DAP3: variants seen among roughly 807,000 people sequenced by gnomAD.
DAP3 encodes the protein death associated protein 3.
A neutral mutation model predicts 51.9 loss-of-function variants in DAP3; 28 were observed. The observed-to-expected ratio is 0.54, with a 90% CI of 0.40 to 0.74. The LOEUF is 0.74. DAP3 is among the 30% of genes least tolerant of loss of function. DAP3 has a pLI of 0.00. For missense variants in DAP3, 458 were observed against 483.5 expected (o/e 0.95, Z 0.49); for synonymous variants, 170 against 170.3 (o/e 1.00, Z 0.01).
intron 9 of DAP3, 49 bp downstream of exon 9, chr1:155,729,415 T>A: frequency 6.2e-7 from 1 of 1,603,018 alleles, no homozygotes; most frequent in Non-Finnish European, 8.5e-7. Flanking sequence ...TCTGATTCCA[T>A]CAGTATGGAG....
intron 1 of DAP3, among the ~76,000 whole-genome samples, chr1:155,704,844 T>C (rs1041910851): frequency 2.0e-5 from 3 of 152,046 alleles, no homozygotes; most frequent in African/African-American, 7.3e-5. Flanking sequence ...GCTGGCGTGG[T>C]GGCGGGCGCC....
upstream of DAP3, chr1:155,688,176 C>A (rs1433285083): frequency 6.2e-7 from 1 of 1,614,002 alleles, no homozygotes; most frequent in African/African-American, 1.3e-5. Flanking sequence ...TCCCGCTTGT[C>A]AGGAGGCGGC....
At chr1:155,708,445 C>A (rs1047100208) in intron 1 of DAP3, among the ~76,000 whole-genome samples, 3 of 151,886 alleles carry the variant, frequency 2.0e-5, no homozygotes, top group Non-Finnish European at 2.9e-5. Context: ...TTTATACTTT[C>A]ATTGACATGT....
chr1:155,718,045 C>T (rs1241268377), intron 3 of DAP3, among the ~76,000 whole-genome samples: 1 of 152,166 alleles, frequency 6.6e-6, no homozygotes, highest in African/African-American at 2.4e-5. Context: ...AAAAAGTAAA[C>T]ACCCATTACC....
chr1:155,705,868 T>TA (rs1304394000), intron 1 of DAP3, among the ~76,000 whole-genome samples: 2 of 152,018 alleles, frequency 1.3e-5, no homozygotes, highest in Non-Finnish European at 2.9e-5. Context: ...GCCAGGCTTA[T>TA]TTTTTATATT....
At chr1:155,732,892 C>T (rs781442305) in intron 11 of DAP3, among the ~76,000 whole-genome samples, 2 of 152,060 alleles carry the variant, frequency 1.3e-5, no homozygotes, top group Admixed American at 1.3e-4. Flanking sequence ...GGCGTCGTGG[C>T]GCGTGGCTGT....
intron 2 of DAP3, among the ~76,000 whole-genome samples, chr1:155,711,727 A>G (rs1656745060): frequency 6.6e-6 from 1 of 151,564 alleles, no homozygotes; most frequent in South Asian, 2.1e-4. Context: ...GTCCCACAGT[A>G]GGCCGTGAGC....
At chr1:155,725,534 C>A in intron 5 of DAP3, 44 bp downstream of exon 5, 1 of 1,539,956 alleles carries the variant, frequency 6.5e-7, no homozygotes, top group African/African-American at 1.4e-5. Context: ...CCAATGCTTT[C>A]TCCCCTCAAA....
rs1304419737 is a variant in DAP3 at position 155,715,788 on chromosome 1, C to T, written c.46-1218C>T. ...AGATTTGTCTACCGAAATCCGCCCCCTTCCCCTCCCTGTTGGTTCAGAGGT... is the reference window on the plus strand; with the variant it reads ...AGATTTGTCTACCGAAATCCGCCCCTTTCCCCTCCCTGTTGGTTCAGAGGT... On this transcript the variant is annotated intron_variant, in intron 2 of 12. Coordinates refer to ENST00000368336, the MANE Select transcript of DAP3 (RefSeq NM_004632.4). Among the ~76,000 whole-genome samples the T allele has an allele frequency of 2.0e-5, 3 of 152,164 alleles. No homozygotes were observed. The East Asian group carries it at 5.8e-4, about 29-fold the overall frequency.
At chr1:155,711,770 C>T (rs1396472766) in intron 2 of DAP3, among the ~76,000 whole-genome samples, 3 of 151,198 alleles carry the variant, frequency 2.0e-5, no homozygotes, top group African/African-American at 7.4e-5. Context: ...GTCCAAGTCC[C>T]AAAACTTCAA....
chr1:155,714,407 G>A (rs543389755), intron 2 of DAP3, among the ~76,000 whole-genome samples: 4 of 151,944 alleles, frequency 2.6e-5, no homozygotes, highest in Non-Finnish European at 4.4e-5. Context: ...ACCTATTTTC[G>A]GGAAGGTTAA....
chr1:155,690,082 C>CA (rs1013201929), intron 1 of DAP3, among the ~76,000 whole-genome samples: 15 of 141,468 alleles, frequency 1.1e-4, no homozygotes, highest in Non-Finnish European at 1.9e-4. Flanking sequence ...TAAAACAAAG[C>CA]AGGCCGGGCG....
chr1:155,691,322 T>A (rs1338926656), intron 1 of DAP3, among the ~76,000 whole-genome samples: 1 of 142,300 alleles, frequency 7.0e-6, no homozygotes, highest in Non-Finnish European at 1.5e-5. Flanking sequence ...TTTATGTAAT[T>A]AATAAGCAAA....
intron 2 of DAP3, among the ~76,000 whole-genome samples, chr1:155,716,619 A>G (rs1240549255): frequency 2.0e-5 from 3 of 151,362 alleles, no homozygotes; most frequent in Non-Finnish European, 4.4e-5. Flanking sequence ...TATTGCAGAC[A>G]TGGCTCACCT....
intron 4 of DAP3, among the ~76,000 whole-genome samples, chr1:155,723,816 A>T (rs1284493247): frequency 6.6e-6 from 1 of 152,156 alleles, no homozygotes; most frequent in African/African-American, 2.4e-5. Flanking sequence ...AGGTGGGCAG[A>T]TTACTTAAGG....
chr1:155,721,417 TAC>T, intron 3 of DAP3, 98 bp from the exon 4 acceptor site: 3 of 615,154 alleles, frequency 4.9e-6, no homozygotes, highest in Non-Finnish European at 8.2e-6. Context: ...TATATATATA[TAC>T]ACATAGACAT....
chr1:155,694,019 C>G (rs1282264311), intron 1 of DAP3, among the ~76,000 whole-genome samples: 1 of 141,658 alleles, frequency 7.1e-6, no homozygotes, highest in Non-Finnish European at 1.5e-5. Context: ...ATTTCTAAAT[C>G]ATTTGACTGT....
rs560456077 is a variant in DAP3 at position 155,712,043 on chromosome 1, G to A, written c.45+2219G>A. ...CCACCCACACTGAGGGTGGGTCTGC[G>A]TCTCCCAGTCCACTGACTCAAATGT... On this transcript the variant is annotated intron_variant, in intron 2 of 12. Transcript: ENST00000368336. 4.0e-5 allele frequency among the ~76,000 whole-genome samples: 6 copies of A among 151,674 alleles called. No individual in the cohort carries two copies. In the South Asian group the frequency reaches 1.0e-3, roughly 26 times the overall value.
In DAP3 at chr1:155,709,778, G is replaced by A. The variant is rs781046714; in HGVS notation, c.-2G>A. On this transcript the variant is annotated 5_prime_UTR_variant, in exon 2 of 13. Transcript: ENST00000368336. ...TTTTTTTTTTTTTGTAACAGTGCAA[G>A]GATGATGCTGAAAGGAATAACAAGG... is the stretch of plus-strand genomic sequence containing the variant. The A allele has an allele frequency of 3.1e-6, 5 of 1,611,758 alleles. No homozygotes were observed. Among genetic ancestry groups the A allele is most frequent in the Non-Finnish European group, 4.2e-6 (5 of 1,179,498 alleles).
Sources: gnomAD v4.1 joint callset for allele counts (sites outside exome capture counted in the v4.1 genomes callset) on GRCh38, gnomAD v4.1.1 for gene constraint, MANE v1.5 for transcripts, NCBI Gene and HGNC (gene_info 2026-07-23, HGNC 2026-07-21) for gene names.